The following ATG7 variants were observed in gnomAD, a reference collection of about 807,000 sequenced individuals.
The protein encoded by ATG7 is ubiquitin-like modifier-activating enzyme ATG7.
Under a neutral mutation model 82.4 loss-of-function variants are expected in ATG7, and 70 were observed. That is an observed-to-expected ratio of 0.85 (90% CI 0.70 to 1.04). The LOEUF (loss-of-function observed/expected upper bound fraction) is 1.04, where lower values mean the gene tolerates loss of function less well. Ranked by LOEUF, ATG7 falls within the 50% of genes least tolerant of loss-of-function variation. ATG7 has a pLI of 0.00. For missense variants in ATG7, 792 were observed against 864.3 expected, an observed-to-expected ratio of 0.92 and a Z score of 1.05; for synonymous variants, 287 against 313.0, an observed-to-expected ratio of 0.92 and a Z score of 0.88.
chr3:11,350,480 G>A (rs1386693001), intron 14 of ATG7, among the ~76,000 whole-genome samples: 1 of 152,182 alleles, frequency 6.6e-6, no homozygotes, highest in Non-Finnish European at 1.5e-5. Flanking sequence ...TTCGAGTCAG[G>A]TTCCAGTCCA....
intron 20 of ATG7, among the ~76,000 whole-genome samples, chr3:11,484,282 TC>T (rs2089360031): frequency 6.6e-6 from 1 of 152,030 alleles, no homozygotes; most frequent in African/African-American, 2.4e-5. Context: ...TAATCCCAGC[TC>T]CTCAGGAGGC....
intron 18 of ATG7, among the ~76,000 whole-genome samples, chr3:11,368,791 A>G (rs1379921394): frequency 1.3e-5 from 2 of 150,424 alleles, no homozygotes; most frequent in Non-Finnish European, 3.0e-5. Flanking sequence ...CCAAACACCA[A>G]GGTAATTGAT....
chr3:11,361,540 C>T (rs2076285150), intron 16 of ATG7, among the ~76,000 whole-genome samples: 1 of 152,182 alleles, frequency 6.6e-6, no homozygotes, highest in Non-Finnish European at 1.5e-5. Flanking sequence ...GCCTCAGTCT[C>T]CCAAAGTGCT....
intron 19 of ATG7, among the ~76,000 whole-genome samples, chr3:11,426,045 T>A (rs2082336298): frequency 7.1e-6 from 1 of 140,358 alleles, no homozygotes; most frequent in Non-Finnish European, 1.6e-5. Context: ...GTTTCTAGTT[T>A]TGGGCTATCA....
chr3:11,287,467 A>G (rs760222672), intron 3 of ATG7, among the ~76,000 whole-genome samples: 20 of 152,210 alleles, frequency 1.3e-4, no homozygotes, highest in Non-Finnish European at 2.8e-4. Context: ...AGGAGCATCA[A>G]GTCAGAGGTG....
intron 20 of ATG7, among the ~76,000 whole-genome samples, chr3:11,481,469 A>G (rs1442904453): frequency 6.6e-6 from 1 of 152,246 alleles, no homozygotes; most frequent in Non-Finnish European, 1.5e-5. Context: ...AAGACCTAGA[A>G]TTTCACATTT....
At chr3:11,294,019 A>G (rs1945436128) in intron 3 of ATG7, among the ~76,000 whole-genome samples, 1 of 35,334 alleles carries the variant, frequency 2.8e-5, no homozygotes, top group Non-Finnish European at 1.1e-4. Context: ...CTCCGTCTCA[A>G]AAAAAAAAAA....
intron 19 of ATG7, among the ~76,000 whole-genome samples, chr3:11,419,517 G>C (rs569491834): frequency 2.2e-4 from 33 of 152,044 alleles, no homozygotes; most frequent in Non-Finnish European, 3.7e-4. Flanking sequence ...TCACGTCACT[G>C]TACTCCAGCC....
At chr3:11,452,592 G>C (rs558728366) in intron 20 of ATG7, among the ~76,000 whole-genome samples, 6 of 152,040 alleles carry the variant, frequency 3.9e-5, no homozygotes, top group African/African-American at 1.4e-4. Flanking sequence ...AGCAAACAGC[G>C]TGGTAGGGAA....
chr3:11,479,869 G>A (rs755953656), intron 20 of ATG7, among the ~76,000 whole-genome samples: 2 of 151,690 alleles, frequency 1.3e-5, no homozygotes, highest in Non-Finnish European at 2.9e-5. Flanking sequence ...ATGAAATAGT[G>A]ATTTGAAGGG....
At chr3:11,300,429 T>A (rs899514387) in intron 5 of ATG7, among the ~76,000 whole-genome samples, 2 of 152,200 alleles carry the variant, frequency 1.3e-5, no homozygotes, top group African/African-American at 4.8e-5. Context: ...AATGTATTTC[T>A]GAAACACAGT....
At chr3:11,495,500 G>A (rs2090754285) in intron 20 of ATG7, among the ~76,000 whole-genome samples, 1 of 152,166 alleles carries the variant, frequency 6.6e-6, no homozygotes, top group Admixed American at 6.5e-5. Context: ...TGCGCTGTTG[G>A]TCAATAGAGA....
Position 11,546,062 on chromosome 3 carries a change from T to G in ATG7, c.2080-8749T>G, listed in dbSNP as rs927680699. On this transcript the variant is annotated intron_variant, in intron 20 of 20. Coordinates refer to ENST00000693202, the MANE Select transcript of ATG7 (RefSeq NM_001349232.2). ...CTGAGGTAGGAGGATTGCTTGAGCC[T>G]GGGAGGTCAAGGCTGCAGTGAGTTA... 6.9e-5 allele frequency among the ~76,000 whole-genome samples: 7 copies of G among 102,170 alleles called. 1 individual carries two copies. In the South Asian group the frequency reaches 2.8e-3, roughly 41 times the overall value. 67.0% of individuals were successfully genotyped at this position (102,170 alleles called of 152,430 possible).
At chr3:11,547,963 T>G (rs62245954) in intron 20 of ATG7, among the ~76,000 whole-genome samples, 3 of 152,252 alleles carry the variant, frequency 2.0e-5, no homozygotes, top group Admixed American at 6.5e-5. Context: ...CACCTCAGCC[T>G]CCAGAGTAGC....
chr3:11,495,679 C>T (rs1045108072), intron 20 of ATG7, among the ~76,000 whole-genome samples: 106 of 152,200 alleles, frequency 7.0e-4, no homozygotes, highest in Admixed American at 2.3e-3. Context: ...CTTTAAAACT[C>T]CTGAAGCTGT....
At chr3:11,311,761 A>T (rs1434367752) in intron 7 of ATG7, among the ~76,000 whole-genome samples, 1 of 152,086 alleles carries the variant, frequency 6.6e-6, no homozygotes, top group East Asian at 1.9e-4. Context: ...GACTCATAGG[A>T]CTAGACAGTT....
At chr3:11,423,034 T>C (rs1437154579) in intron 19 of ATG7, among the ~76,000 whole-genome samples, 2 of 152,130 alleles carry the variant, frequency 1.3e-5, no homozygotes, top group Non-Finnish European at 1.5e-5. Flanking sequence ...GGATTACAAA[T>C]AGGCATGAGC....
In ATG7 at chr3:11,298,736, A is replaced by C; in HGVS notation, c.41A>C (p.Gln14Pro). ...ATGDPGLSKL[Q>P]FAPFSSALDV... is the part of the protein sequence containing the mutation. ...GGGGATCCTGGACTCTCTAAACTGC[A>C]GTTTGCCCCTTTTAGTAGTGCCTTG... Residue 14 changes from glutamine (Q) to proline (P), a missense_variant, in exon 4 of 21, where the codon CAG becomes CCG. Transcript: ENST00000693202. 2 of 1,614,200 alleles carry C rather than the reference A, an allele frequency of 1.2e-6. No homozygotes were observed. Among genetic ancestry groups the C allele is most frequent in the Non-Finnish European group, 1.7e-6 (2 of 1,180,040 alleles).
At chr3:11,356,430 G>C (rs182842425) in intron 14 of ATG7, among the ~76,000 whole-genome samples, 1 of 152,292 alleles carries the variant, frequency 6.6e-6, no homozygotes, top group African/African-American at 2.4e-5. Flanking sequence ...TCTCTAGGTG[G>C]TTCTGATATA....
Sources: allele counts gnomAD v4.1 joint callset (sites outside exome capture counted in the v4.1 genomes callset), GRCh38; gene constraint gnomAD v4.1.1; transcripts MANE v1.5; gene names NCBI Gene and HGNC (gene_info 2026-07-23, HGNC 2026-07-21).